The following SLIT3 variants were observed in gnomAD, a reference collection of about 807,000 sequenced individuals.
SLIT3 encodes slit homolog 3 protein.
Under a neutral mutation model 184.0 loss-of-function variants are expected in SLIT3, and 68 were observed. The ratio of observed to expected loss-of-function variants is 0.37; its 90% CI spans 0.30 to 0.45. The LOEUF is 0.45. Ranked by LOEUF, SLIT3 falls within the 20% of genes least tolerant of loss-of-function variation. The probability of loss-of-function intolerance (pLI) is 1.00; values close to 1 mark genes in which losing one functional copy is unlikely to be tolerated. For synonymous variants in SLIT3, 831 were observed against 828.6 expected, an observed-to-expected ratio of 1.00 and a Z score of -0.05; for missense variants, 1,707 against 2,026.0, an observed-to-expected ratio of 0.84 and a Z score of 3.02.
intron 1 of SLIT3, among the ~76,000 whole-genome samples, chr5:169,282,494 T>G (rs1437504837): frequency 6.6e-6 from 1 of 152,192 alleles, no homozygotes; most frequent in Non-Finnish European, 1.5e-5. Context: ...ATTAAAGCAG[T>G]TACTCCATAG....
At chr5:168,962,056 T>A (rs1341385868) in intron 4 of SLIT3, among the ~76,000 whole-genome samples, 1 of 152,084 alleles carries the variant, frequency 6.6e-6, no homozygotes, top group African/African-American at 2.4e-5. Context: ...AGGGCAGAAC[T>A]ATGGATTCCA....
chr5:168,682,391 C>T (rs1361554201), intron 32 of SLIT3, among the ~76,000 whole-genome samples: 2 of 152,230 alleles, frequency 1.3e-5, no homozygotes, highest in Admixed American at 1.3e-4. Context: ...GTTTCCTAGA[C>T]TTGTGCATTA....
intron 1 of SLIT3, among the ~76,000 whole-genome samples, chr5:169,273,569 G>A (rs1437561122): frequency 6.6e-6 from 1 of 152,150 alleles, no homozygotes; most frequent in Non-Finnish European, 1.5e-5. Flanking sequence ...CAGAATCTCT[G>A]GGGATAGAGA....
chr5:169,000,450 GA>G (rs1755667620), intron 4 of SLIT3, among the ~76,000 whole-genome samples: 2 of 143,658 alleles, frequency 1.4e-5, no homozygotes, highest in South Asian at 4.5e-4. Flanking sequence ...AATCTTTTCT[GA>G]AATGGAAAGT....
chr5:168,866,208 T>C (rs1412309134), intron 5 of SLIT3, among the ~76,000 whole-genome samples: 1 of 152,194 alleles, frequency 6.6e-6, no homozygotes, highest in Admixed American at 6.5e-5. Context: ...CGGGCCAGAC[T>C]CCATCCTCAG....
chr5:169,034,810 A>G (rs1311772469), intron 4 of SLIT3, among the ~76,000 whole-genome samples: 2 of 151,376 alleles, frequency 1.3e-5, no homozygotes, highest in Non-Finnish European at 2.9e-5. Context: ...GTGGCTTGCA[A>G]TCACTGCTTA....
intron 1 of SLIT3, among the ~76,000 whole-genome samples, chr5:169,290,444 C>G (rs1767320103): frequency 6.7e-6 from 1 of 148,966 alleles, no homozygotes; most frequent in African/African-American, 2.5e-5. Flanking sequence ...CTAGGTTGCG[C>G]ACTAGGGCAC....
intron 20 of SLIT3, among the ~76,000 whole-genome samples, chr5:168,744,442 G>A (rs1053253187): frequency 2.6e-5 from 4 of 152,320 alleles, no homozygotes; most frequent in East Asian, 1.9e-4. Flanking sequence ...CAGATCTTCC[G>A]TGGAGACAAA....
At chr5:169,029,177 A>G (rs965737105) in intron 4 of SLIT3, among the ~76,000 whole-genome samples, 4 of 152,242 alleles carry the variant, frequency 2.6e-5, no homozygotes, top group Non-Finnish European at 5.9e-5. Context: ...CACCAAATCC[A>G]AGAGAATCTA....
At chr5:169,031,587 C>T (rs747921838) in intron 4 of SLIT3, among the ~76,000 whole-genome samples, 2 of 152,174 alleles carry the variant, frequency 1.3e-5, no homozygotes, top group African/African-American at 4.8e-5. Context: ...GGAACAGCAC[C>T]GTCTGGCATG....
chr5:169,192,845 C>G (rs1459618195), intron 4 of SLIT3, among the ~76,000 whole-genome samples: 1 of 152,162 alleles, frequency 6.6e-6, no homozygotes, highest in Non-Finnish European at 1.5e-5. Flanking sequence ...CAGTCTCCAC[C>G]CTCACCTGCA....
intron 2 of SLIT3, 137 bp downstream of exon 2, chr5:169,251,251 G>A (rs1389902950): frequency 2.3e-5 from 16 of 683,214 alleles, no homozygotes; most frequent in African/African-American, 3.5e-5. Context: ...GTACGCTAAC[G>A]AGGGGCTTTC....
chr5:169,294,305 A>G (rs1191863727), intron 1 of SLIT3, among the ~76,000 whole-genome samples: 1 of 151,336 alleles, frequency 6.6e-6, no homozygotes, highest in African/African-American at 2.4e-5. Context: ...ATGAAAACCC[A>G]CCCCCCAAAA....
At chr5:168,968,152 T>TC (rs761049403) in intron 4 of SLIT3, among the ~76,000 whole-genome samples, 5 of 151,812 alleles carry the variant, frequency 3.3e-5, no homozygotes, top group Non-Finnish European at 5.9e-5. Context: ...TCCAGTCATC[T>TC]CCCCCTCTGC....
chr5:168,724,901 A>G (rs1395256429), intron 20 of SLIT3, among the ~76,000 whole-genome samples: 4 of 152,194 alleles, frequency 2.6e-5, no homozygotes, highest in Non-Finnish European at 4.4e-5. Context: ...CACTTGCCCA[A>G]GGTCATGCAG....
At chr5:169,145,475 A>G (rs1024770524) in intron 4 of SLIT3, among the ~76,000 whole-genome samples, 8 of 152,190 alleles carry the variant, frequency 5.3e-5, no homozygotes, top group African/African-American at 1.9e-4. Context: ...CTCTCCATGT[A>G]AAAGGAAGCA....
chr5:168,940,861 G>A (rs1467430862), intron 4 of SLIT3, among the ~76,000 whole-genome samples: 1 of 152,152 alleles, frequency 6.6e-6, no homozygotes. Flanking sequence ...TCCAGGAGGA[G>A]GGTGCGTGCT....
chr5:168,761,287 C>T (rs1755137350), intron 15 of SLIT3, among the ~76,000 whole-genome samples: 1 of 152,170 alleles, frequency 6.6e-6, no homozygotes, highest in Admixed American at 6.5e-5. Flanking sequence ...AAGGTTTCTC[C>T]AGGGTCTCCC....
At chr5:168,789,660 A>C (rs751743229) in intron 10 of SLIT3, 29 bp from the exon 11 acceptor site, 2 of 1,582,208 alleles carry the variant, frequency 1.3e-6, no homozygotes, top group African/African-American at 2.7e-5. Flanking sequence ...AAGTCTGAGA[A>C]CATGGCTCAA....
Sources: gnomAD v4.1 joint callset for allele counts (sites outside exome capture counted in the v4.1 genomes callset) on GRCh38, gnomAD v4.1.1 for gene constraint, MANE v1.5 for transcripts, NCBI Gene and HGNC (gene_info 2026-07-23, HGNC 2026-07-21) for gene names.